Variants in EIF5B observed in about 807,000 individuals in gnomAD.
The protein encoded by EIF5B is eukaryotic translation initiation factor 5B, also known as eIF-5B.
Under a neutral mutation model 147.5 loss-of-function variants are expected in EIF5B, and 47 were observed. The ratio of observed to expected loss-of-function variants is 0.32; its 90% confidence interval spans 0.25 to 0.41. The LOEUF (loss-of-function observed/expected upper bound fraction) is 0.41, where lower values mean the gene tolerates loss of function less well. Ranked by LOEUF, EIF5B falls within the 10% of genes least tolerant of loss-of-function variation. The probability of loss-of-function intolerance (pLI) is 1.00; values close to 1 mark genes in which losing one functional copy is unlikely to be tolerated. For synonymous variants in EIF5B, 455 were observed against 456.2 expected, an observed-to-expected ratio of 1.00 and a Z score of 0.03; for missense variants, 1,064 against 1,413.2, an observed-to-expected ratio of 0.75 and a Z score of 3.96.
intron 9 of EIF5B, 57 bp downstream of exon 9, chr2:99,371,787 A>G (rs1574931207): frequency 2.8e-6 from 4 of 1,441,288 alleles, no homozygotes; most frequent in Non-Finnish European, 3.8e-6. Context: ...AATGAATGAT[A>G]TATATTTAAA....
At chr2:99,389,896 A>G in intron 15 of EIF5B, 47 bp downstream of exon 15, 1 of 1,559,212 alleles carries the variant, frequency 6.4e-7, no homozygotes, top group South Asian at 1.2e-5. Context: ...CAGAATATGT[A>G]TTATATTATC....
chr2:99,379,069 C>T lies in EIF5B; in HGVS notation c.1893C>T (p.Ala631=), dbSNP rs756237047. 2 of 1,602,340 alleles carry T rather than the reference C, an allele frequency of 1.2e-6. No individual in the cohort carries two copies. The highest frequency in any genetic ancestry group is 2.2e-5 in the East Asian group (1 of 44,662). ...ATGTAAACACCGAAAAGCTAAGAGC[C>T]CCTATTATCTGCGTACTTGGGCATG... ...SKNVNTEKLR[A]PIICVLGHVD... The change falls in exon 11 of 24, where the codon GCC becomes GCT. Residue 631 remains alanine, a synonymous_variant. Transcript: ENST00000289371.
At chr2:99,378,080 T>C (rs1365079804) in intron 10 of EIF5B, among the ~76,000 whole-genome samples, 6 of 152,196 alleles carry the variant, frequency 3.9e-5, no homozygotes, top group Admixed American at 3.9e-4. Context: ...GTACTACTCT[T>C]TGCTAGTGAT....
At chr2:99,389,629 C>A in intron 14 of EIF5B, 89 bp from the exon 15 acceptor site, 1 of 1,269,732 alleles carries the variant, frequency 7.9e-7, no homozygotes, top group Non-Finnish European at 1.1e-6. Flanking sequence ...ATATATGAGA[C>A]ACACATGAGG....
rs115723036 is a variant in EIF5B, at chr2:99,379,053, C to T, written c.1877C>T (p.Thr626Ile). Residue 626 changes from threonine to isoleucine, a missense_variant, in exon 11 of 24, where the codon ACC (threonine) becomes ATC (isoleucine). Thr to Ile is a moderately conservative substitution (Grantham distance 89). Transcript: ENST00000289371. The part of the protein sequence containing the change: ...RRLEHSKNVN[T>I]EKLRAPIICV... Reference sequence around the variant, plus strand: ...CTTGAACATAGTAAAAATGTAAACACCGAAAAGCTAAGAGCCCCTATTATC... The same window carrying T: ...CTTGAACATAGTAAAAATGTAAACATCGAAAAGCTAAGAGCCCCTATTATC... 5.1e-6 allele frequency: 8 copies of T among 1,584,120 alleles called. No homozygotes were observed. The highest frequency in any genetic ancestry group is 1.7e-6 in the Non-Finnish European group (2 of 1,168,678).
At chr2:99,355,123 G>C (rs774387251) in intron 1 of EIF5B, among the ~76,000 whole-genome samples, 17 of 152,006 alleles carry the variant, frequency 1.1e-4, no homozygotes, top group Admixed American at 9.2e-4. Context: ...ATACTTCTGT[G>C]GGACTGTTTT....
intron 1 of EIF5B, among the ~76,000 whole-genome samples, chr2:99,349,571 T>A (rs1419255267): frequency 6.6e-6 from 1 of 152,226 alleles, no homozygotes; most frequent in Non-Finnish European, 1.5e-5. Context: ...TGTATGATTT[T>A]TATTTAATTC....
chr2:99,343,259 G>A (rs927098449), intron 1 of EIF5B, among the ~76,000 whole-genome samples: 3 of 151,200 alleles, frequency 2.0e-5, no homozygotes, highest in Non-Finnish European at 4.4e-5. Flanking sequence ...CCCAGCCTGG[G>A]TTGTATTTTT....
Position 99,361,639 on chromosome 2 carries a change from A to G in EIF5B, c.738A>G (p.Glu246=), listed in dbSNP as rs747600510. The G allele has an allele frequency of 3.1e-6, 5 of 1,595,592 alleles. No homozygotes were observed. In the East Asian group the frequency reaches 8.9e-5, roughly 28 times the overall value. ...GCGAGAGAAAAAAGCGAGATGAAGA[A>G]AAAGCGAAACTGCGGAAGCTGAAAG... ...KERERKKRDE[E]KAKLRKLKEK... is the part of the protein sequence containing the mutation. The change falls in exon 4 of 24, where the codon GAA becomes GAG. Residue 246 remains glutamate (E), a synonymous_variant. Coordinates refer to ENST00000289371, the MANE Select transcript of EIF5B (RefSeq NM_015904.4).
At chr2:99,364,129 T>C in intron 5 of EIF5B, 142 bp from the exon 6 acceptor site, 1 of 1,234,588 alleles carries the variant, frequency 8.1e-7, no homozygotes. Context: ...GTATAACATT[T>C]AAAATACTTT....
rs550629451 is a variant in EIF5B at position 99,360,058 on chromosome 2, A to G, written c.36-178A>G. On this transcript the variant is annotated intron_variant, in intron 1 of 23. Transcript: ENST00000289371. ...GAGTGTAATCCAGAAACTTCACTGA[A>G]GCAGATGTAGGGAGGCTGATAAGTA... Among the ~76,000 whole-genome samples, 7 of 152,316 alleles carry G rather than the reference A, an allele frequency of 4.6e-5. 1 individual carries two copies. The East Asian group carries it at 1.3e-3, about 29-fold the overall frequency.
At chr2:99,353,005 C>CTTTTTGTTTTTT (rs1674009707) in intron 1 of EIF5B, among the ~76,000 whole-genome samples, 1 of 62,850 alleles carries the variant, frequency 1.6e-5, no homozygotes, top group African/African-American at 6.6e-5. Flanking sequence ...TCTTCTTCTT[C>CTTTTTGTTTTTT]TTTTTTTTTT....
intron 1 of EIF5B, among the ~76,000 whole-genome samples, chr2:99,350,036 T>C (rs932550215): frequency 6.6e-6 from 1 of 152,224 alleles, no homozygotes; most frequent in Non-Finnish European, 1.5e-5. Context: ...AATGAGATCA[T>C]GCAGTATTTG....
intron 1 of EIF5B, among the ~76,000 whole-genome samples, chr2:99,355,318 A>G (rs761843834): frequency 2.6e-5 from 4 of 152,088 alleles, no homozygotes; most frequent in Non-Finnish European, 5.9e-5. Context: ...TCTATTGGTT[A>G]TGTCCTAAAA....
chr2:99,379,483 C>A, intron 12 of EIF5B, 55 bp downstream of exon 12: 1 of 1,327,104 alleles, frequency 7.5e-7, no homozygotes, highest in Non-Finnish European at 1.1e-6. Context: ...AAGATATGAA[C>A]TATTTCAAAC....
chr2:99,337,537 G>C lies in EIF5B; in HGVS notation c.-18G>C. ...GACCGAATAGAGGGGCTGGGGCCAC[G>C]AGCGCCATTGACAAGCAATGGGGAA... On this transcript the variant is annotated 5_prime_UTR_variant, in exon 1 of 24. Transcript: ENST00000289371. The C allele has an allele frequency of 6.2e-7, 1 of 1,611,658 alleles. No individual in the cohort carries two copies. Among genetic ancestry groups the C allele is most frequent in the East Asian group, 2.2e-5 (1 of 44,746 alleles).
chr2:99,342,654 T>A (rs747107461), intron 1 of EIF5B, among the ~76,000 whole-genome samples: 1 of 151,858 alleles, frequency 6.6e-6, no homozygotes, highest in Non-Finnish European at 1.5e-5. Context: ...TGTTGAGAGA[T>A]GGAATCTCAC....
chr2:99,399,509 C>A lies in EIF5B; in HGVS notation c.*95C>A. ...AAAAAATGGAACAGACGTATTTGGA[C>A]ACTGATGGACTTAAGTATGGAAGGA... On this transcript the variant is annotated 3_prime_UTR_variant, in exon 24 of 24. Coordinates refer to ENST00000289371, the MANE Select transcript of EIF5B (RefSeq NM_015904.4). 1.8e-6 allele frequency: 2 copies of A among 1,114,162 alleles called. No individual in the cohort carries two copies. Among genetic ancestry groups the A allele is most frequent in the Non-Finnish European group, 2.6e-6 (2 of 758,348 alleles). The allele number at this position is 1,114,162 out of a possible 1,614,324, so 69.0% of individuals were successfully genotyped here. A position where few individuals can be genotyped will look rare whatever the true frequency, so the allele number is the denominator to read the frequency against.
chr2:99,374,984 T>TA (rs1674532889), intron 9 of EIF5B, among the ~76,000 whole-genome samples: 2 of 152,160 alleles, frequency 1.3e-5, no homozygotes, highest in East Asian at 3.8e-4. Context: ...TGGCTCTTTC[T>TA]ATTCTGAGGT....
Sources: allele counts gnomAD v4.1 joint callset (sites outside exome capture counted in the v4.1 genomes callset), GRCh38; gene constraint gnomAD v4.1.1; transcripts MANE v1.5; gene names NCBI Gene and HGNC (gene_info 2026-07-23, HGNC 2026-07-21).